The following SPIN3 variants were observed in gnomAD, a reference collection of about 807,000 sequenced individuals.
SPIN3 encodes the protein spindlin-3.
For synonymous variants in SPIN3, 74 were observed against 74.3 expected, an observed-to-expected ratio of 1.00 and a Z score of 0.02; for missense variants, 176 against 196.4, an observed-to-expected ratio of 0.90 and a Z score of 0.62.
At chrX:56,980,492 G>A (rs892933388) in intron 3 of SPIN3, 2 of 110,253 alleles carry the variant, frequency 1.8e-5, no homozygotes, top group Non-Finnish European at 3.8e-5. Context: ...TAAACTAGTA[G>A]GAAGGACATA....
In SPIN3 at chrX:56,994,487, T is replaced by C; in HGVS notation, c.461A>G (p.Gln154Arg). 1 of 1,211,895 alleles carries C rather than the reference T, an allele frequency of 8.3e-7. No homozygotes were observed. The highest frequency in any genetic ancestry group is 1.1e-6 in the Non-Finnish European group (1 of 895,471). ...AAACCATGTGTTCATGACAGGTGCC[T>C]GAGCTAAGACCATCCCCCTCCATTC... ...KNEWRGMVLA[Q>R]APVMNTWFYI... Residue 154 changes from glutamine to arginine, a missense_variant, in exon 2 of 2, where the codon CAG (glutamine) becomes CGG (arginine). Coordinates refer to ENST00000374919, the MANE Select transcript of SPIN3 (RefSeq NM_001010862.3).
At chrX:56,986,279 G>T (rs1244704030), downstream of SPIN3, among the ~76,000 whole-genome samples, 1 of 111,396 alleles carries the variant, frequency 9.0e-6, no homozygotes, top group African/African-American at 3.3e-5. Context: ...TGTAAAAGAG[G>T]GTGATAGAGA....
At chrX:56,986,468 C>T (rs867910731), downstream of SPIN3, among the ~76,000 whole-genome samples, 4 of 111,617 alleles carry the variant, frequency 3.6e-5, no homozygotes, top group South Asian at 1.1e-3. Flanking sequence ...AGCTGTGTGA[C>T]CTTGGTTTCC....
In SPIN3 at chrX:56,993,924, C is replaced by G. The variant is rs183567548; in HGVS notation, c.*247G>C. On this transcript the variant is annotated 3_prime_UTR_variant, in exon 2 of 2. Coordinates refer to ENST00000374919, the MANE Select transcript of SPIN3 (RefSeq NM_001010862.3). ...CACCCAAGATAAAAAAAAGTATGAG[C>G]CAATGGATGTCAGACTTTACCCTTC... 9.2e-6 allele frequency: 3 copies of G among 325,689 alleles called. No homozygotes were observed. Among genetic ancestry groups the G allele is most frequent in the South Asian group, 7.7e-5 (1 of 12,973 alleles). 26.8% of individuals were successfully genotyped at this position (325,689 alleles called of 1,213,427 possible). A position where few individuals can be genotyped will look rare whatever the true frequency, so the allele number is the denominator to read the frequency against.
intron 3 of SPIN3, chrX:56,981,604 A>T (rs1339352925): frequency 9.0e-6 from 1 of 111,664 alleles, no homozygotes; most frequent in Non-Finnish European, 1.9e-5. Flanking sequence ...AATCCCAAAA[A>T]CTACAGCTTT....
At chrX:56,985,233 T>A (rs751755045) in intron 2 of SPIN3, among the ~76,000 whole-genome samples, 10 of 112,385 alleles carry the variant, frequency 8.9e-5, no homozygotes, top group Non-Finnish European at 1.5e-4. Context: ...GAGATTTTTT[T>A]AGAAACATAA....
downstream of SPIN3, among the ~76,000 whole-genome samples, chrX:56,985,865 G>A (rs1924213044): frequency 1.8e-5 from 2 of 111,057 alleles, no homozygotes; most frequent in African/African-American, 3.3e-5. Flanking sequence ...CTTTCCTCTA[G>A]TAGTTCCTTT....
rs1415083098 is a variant in SPIN3, at chrX:56,994,078, GAGA to G, written c.*90_*92del. ...TTGCCAAGCAAAACGTGCAAAAAGG[GAGA>G]AGATGGTTCTTACAAACTGGAAAGC... is the stretch of plus-strand genomic sequence containing the variant. On this transcript the variant is annotated 3_prime_UTR_variant, in exon 2 of 2. Coordinates refer to ENST00000374919, the MANE Select transcript of SPIN3 (RefSeq NM_001010862.3). The G allele has an allele frequency of 1.2e-5, 11 of 955,989 alleles. No individual in the cohort carries two copies. The highest frequency in any genetic ancestry group is 1.4e-5 in the Non-Finnish European group (10 of 716,090). 78.8% of individuals were successfully genotyped at this position (955,989 alleles called of 1,213,427 possible). A position where few individuals can be genotyped will look rare whatever the true frequency, so the allele number is the denominator to read the frequency against.
intron 2 of SPIN3, chrX:56,984,489 A>G (rs1335398427): frequency 3.3e-6 from 1 of 303,134 alleles, no homozygotes; most frequent in Non-Finnish European, 6.4e-6. Flanking sequence ...CTGAAAAGCA[A>G]AAAAAAAAAG....
At chrX:56,987,617 A>G (rs1247554665), downstream of SPIN3, among the ~76,000 whole-genome samples, 1 of 111,451 alleles carries the variant, frequency 9.0e-6, no homozygotes, top group African/African-American at 3.3e-5. Context: ...CTCATTAATC[A>G]CTATTGGGCA....
At chrX:56,980,296 C>T (rs1474968686) in intron 3 of SPIN3, 1 of 111,145 alleles carries the variant, frequency 9.0e-6, no homozygotes, top group East Asian at 2.8e-4. Flanking sequence ...CCTAGATATT[C>T]ATTCTTTGGG....
At chrX:56,980,823 G>A (rs1036460016) in intron 3 of SPIN3, among the ~76,000 whole-genome samples, 1 of 111,052 alleles carries the variant, frequency 9.0e-6, no homozygotes, top group African/African-American at 3.3e-5. Flanking sequence ...GTCCTTGTCT[G>A]TATATGCTTA....
At chrX:56,988,507 G>T (rs879245813), downstream of SPIN3, among the ~76,000 whole-genome samples, 1 of 111,287 alleles carries the variant, frequency 9.0e-6, no homozygotes, top group Admixed American at 9.6e-5. Flanking sequence ...GCTGCCCCAG[G>T]TCCCTTCCCA....
At chrX:56,984,278 T>C (rs1000493287) in exon 3 of SPIN3, 2 of 244,595 alleles carry the variant, frequency 8.2e-6, no homozygotes, top group Non-Finnish European at 1.5e-5. Flanking sequence ...TCTAGGTGTT[T>C]GCTGTTGGTC....
chrX:56,984,036 A>T (rs989365339), intron 3 of SPIN3, among the ~76,000 whole-genome samples: 1 of 111,291 alleles, frequency 9.0e-6, no homozygotes, highest in African/African-American at 3.3e-5. Flanking sequence ...GCACTCAGGG[A>T]TCCTCTCACT....
intron 1 of SPIN3, 56 bp downstream of exon 1, chrX:56,995,160 G>C (rs1924463590): frequency 2.6e-6 from 1 of 386,896 alleles, no homozygotes; most frequent in African/African-American, 2.5e-5. Context: ...TAAGATCTGC[G>C]GTTCGGTGAA....
chrX:56,979,147 G>T (rs1924062526), intron 3 of SPIN3: 1 of 110,537 alleles, frequency 9.0e-6, no homozygotes, highest in Non-Finnish European at 1.9e-5. Flanking sequence ...CTATCTTTAG[G>T]TATATGAGAG....
chrX:56,982,348 G>C (rs919272390), intron 3 of SPIN3: 1 of 111,421 alleles, frequency 9.0e-6, no homozygotes, highest in Non-Finnish European at 1.9e-5. Flanking sequence ...TGTGGGACCT[G>C]GGAGACCTGC....
At chrX:56,984,100 T>C (rs1186389586) in intron 3 of SPIN3, among the ~76,000 whole-genome samples, 1 of 111,326 alleles carries the variant, frequency 9.0e-6, no homozygotes, top group African/African-American at 3.3e-5. Flanking sequence ...GCCCTCTAAT[T>C]TCCTTCTTTA....
Sources: gnomAD v4.1 joint callset for allele counts (sites outside exome capture counted in the v4.1 genomes callset) on GRCh38, gnomAD v4.1.1 for gene constraint, MANE v1.5 for transcripts, NCBI Gene and HGNC (gene_info 2026-07-23, HGNC 2026-07-21) for gene names.